The following MYO16 variants were observed in gnomAD, a reference collection of about 807,000 sequenced individuals.
MYO16 encodes myosin XVI.
A neutral mutation model predicts 205.3 loss-of-function variants in MYO16; 94 were observed. The observed-to-expected ratio is 0.46, with a 90% confidence interval of 0.39 to 0.54. MYO16 has a LOEUF of 0.54. MYO16 is among the 20% of genes least tolerant of loss of function. The probability of loss-of-function intolerance (pLI) is 0.00; values close to 1 mark genes in which losing one functional copy is unlikely to be tolerated. For synonymous variants in MYO16, 988 were observed against 954.0 expected (o/e 1.04, Z -0.66); for missense variants, 2,315 against 2,387.5 (o/e 0.97, Z 0.63).
chr13:108,543,808 G>A, the MYO16 span, among the ~76,000 whole-genome samples: 1 of 136,316 alleles, frequency 7.3e-6, no homozygotes, highest in African/African-American at 2.8e-5. Flanking sequence ...GCTCACACTT[G>A]TAATCCCAGC....
intron 1 of MYO16, among the ~76,000 whole-genome samples, chr13:108,635,244 C>T (rs1435785065): frequency 6.6e-6 from 1 of 152,196 alleles, no homozygotes; most frequent in East Asian, 1.9e-4. Context: ...CACTGCACCT[C>T]AGCCAACCCG....
chr13:108,552,830 C>T, the MYO16 span, among the ~76,000 whole-genome samples: 1 of 151,854 alleles, frequency 6.6e-6, no homozygotes, highest in Non-Finnish European at 1.5e-5. Flanking sequence ...CAAGGTGATG[C>T]ATCTGTGGAG....
chr13:108,646,165 C>A (rs143150838), intron 1 of MYO16, among the ~76,000 whole-genome samples: 2 of 152,212 alleles, frequency 1.3e-5, no homozygotes, highest in East Asian at 3.9e-4. Flanking sequence ...AAAAGGAGGG[C>A]TTTTCTTGTT....
chr13:108,920,339 CTTTTTCTTTCT>C (rs1322755432), intron 16 of MYO16, among the ~76,000 whole-genome samples: 3 of 151,296 alleles, frequency 2.0e-5, no homozygotes, highest in Non-Finnish European at 4.4e-5. Flanking sequence ...TCCCTCCCTT[CTTTTTCTTTCT>C]TTTTTCTTTC....
At chr13:108,506,840 C>A in the MYO16 span, among the ~76,000 whole-genome samples, 2 of 151,944 alleles carry the variant, frequency 1.3e-5, no homozygotes, top group African/African-American at 4.8e-5. Context: ...CATATATGAC[C>A]TTTATTATGT....
chr13:108,568,732 C>T, the MYO16 span, among the ~76,000 whole-genome samples: 3 of 152,040 alleles, frequency 2.0e-5, no homozygotes, highest in South Asian at 2.1e-4. Flanking sequence ...TTTTTTGCTA[C>T]TTGTTCTTTT....
chr13:108,855,630 G>A, intron 11 of MYO16, 77 bp downstream of exon 11: 4 of 1,017,002 alleles, frequency 3.9e-6, no homozygotes, highest in Non-Finnish European at 5.7e-6. Flanking sequence ...TGCTTCAAAT[G>A]TTGCAAGTAA....
intron 20 of MYO16, among the ~76,000 whole-genome samples, chr13:108,978,202 A>G (rs1193849454): frequency 6.6e-6 from 1 of 152,024 alleles, no homozygotes; most frequent in East Asian, 1.9e-4. Context: ...TTCCTGTGAA[A>G]TGGCTTACTA....
In MYO16 at chr13:108,712,743, G is replaced by A. The variant is rs369133237; in HGVS notation, c.363+12G>A. 60 of 1,609,638 alleles carry A rather than the reference G, an allele frequency of 3.7e-5. No homozygotes were observed. Among genetic ancestry groups the A allele is most frequent in the Non-Finnish European group, 4.8e-5 (57 of 1,178,008 alleles). On this transcript the variant is annotated intron_variant, in intron 3 of 34. Transcript: ENST00000457511. The stretch of plus-strand genomic sequence containing the variant: ...CCCTGCTCCATCTGGTAAGAACCGC[G>A]ACAGTCAGTGCCAGTGCATGGGGAC...
At chr13:108,971,106 G>C (rs2139388794) in intron 20 of MYO16, among the ~76,000 whole-genome samples, 1 of 152,104 alleles carries the variant, frequency 6.6e-6, no homozygotes, top group South Asian at 2.1e-4. Flanking sequence ...CTAAAATTGG[G>C]CCTATTTTAT....
At chr13:108,790,557 G>A (rs930825589) in intron 5 of MYO16, among the ~76,000 whole-genome samples, 17 of 152,156 alleles carry the variant, frequency 1.1e-4, no homozygotes, top group African/African-American at 3.1e-4. Context: ...CCGTTACAAC[G>A]TAGACTTATG....
At chr13:108,814,005 T>A (rs144031450) in intron 7 of MYO16, among the ~76,000 whole-genome samples, 29 of 152,280 alleles carry the variant, frequency 1.9e-4, no homozygotes, top group Non-Finnish European at 3.4e-4. Flanking sequence ...AGGAGAAACT[T>A]CCTTATTTCA....
At chr13:108,879,483 G>A (rs1056438839) in intron 12 of MYO16, among the ~76,000 whole-genome samples, 2 of 152,030 alleles carry the variant, frequency 1.3e-5, no homozygotes, top group African/African-American at 2.4e-5. Context: ...ATTTACATTA[G>A]GTATATCTCC....
rs141876359 is a variant in MYO16 at position 108,744,079 on chromosome 13, C to T, written c.507+16496C>T. Among the ~76,000 whole-genome samples, 854 of 152,268 alleles carry T rather than the reference C, an allele frequency of 5.6e-3. 6 individuals are homozygous for T. The highest frequency in any genetic ancestry group is 0.019 in the African/African-American group (790 of 41,554). Reference sequence around the variant, plus strand: ...TCCTGTGAACTGTGGTAGAAAATCCCGGCCAAGCACCTGAATATCAACTTT... The same window carrying T: ...TCCTGTGAACTGTGGTAGAAAATCCTGGCCAAGCACCTGAATATCAACTTT... On this transcript the variant is annotated intron_variant, in intron 4 of 34. Coordinates refer to ENST00000457511, the MANE Select transcript of MYO16 (RefSeq NM_001198950.3).
At chr13:108,676,372 CGTGTGTGTGTGT>C (rs35790433) in intron 2 of MYO16, among the ~76,000 whole-genome samples, 5 of 131,672 alleles carry the variant, frequency 3.8e-5, no homozygotes, top group African/African-American at 8.5e-5. Flanking sequence ...TATATGTACG[CGTGTGTGTGTGT>C]GTGTGTGTGT....
chr13:109,040,385 C>CAG (rs146955371), intron 23 of MYO16, among the ~76,000 whole-genome samples: 1,323 of 113,266 alleles, frequency 0.012, 16 homozygotes, highest in South Asian at 0.023. Flanking sequence ...CACACACACA[C>CAG]AGAGAGAGAG....
At chr13:108,879,321 T>C (rs1042502435) in intron 12 of MYO16, among the ~76,000 whole-genome samples, 6 of 152,232 alleles carry the variant, frequency 3.9e-5, no homozygotes, top group Non-Finnish European at 8.8e-5. Context: ...TAAATGTGTG[T>C]AAAATGTGTA....
chr13:108,972,249 C>CTCTCTATATA (rs1178345437), intron 20 of MYO16, among the ~76,000 whole-genome samples: 4 of 2,850 alleles, frequency 1.4e-3, no homozygotes, highest in East Asian at 0.015. Context: ...CTCTCTCTCT[C>CTCTCTATATA]TATATATATA....
the MYO16 span, among the ~76,000 whole-genome samples, chr13:108,581,899 A>G: frequency 1.3e-5 from 2 of 149,768 alleles, no homozygotes; most frequent in East Asian, 1.9e-4. Flanking sequence ...AAAAGAAAAA[A>G]AAAAAAGAAA....
Sources: gnomAD v4.1 joint callset for allele counts (sites outside exome capture counted in the v4.1 genomes callset) on GRCh38, gnomAD v4.1.1 for gene constraint, MANE v1.5 for transcripts, NCBI Gene and HGNC (gene_info 2026-07-23, HGNC 2026-07-21) for gene names.